Variants in ASZ1 observed in about 807,000 individuals in gnomAD.
ASZ1 encodes ankyrin repeat, SAM and basic leucine zipper domain-containing protein 1.
In ASZ1, 67 loss-of-function variants were observed where a neutral mutation model predicts 61.8. That is an observed-to-expected ratio of 1.08 (90% CI 0.89 to 1.33). ASZ1 has a LOEUF of 1.33. ASZ1 is among the 40% of genes most tolerant of loss of function. The pLI, the probability that ASZ1 is intolerant of heterozygous loss-of-function variation, is 0.00. For missense variants in ASZ1, 577 were observed against 554.5 expected (o/e 1.04, Z -0.41); for synonymous variants, 193 against 192.7 (o/e 1.00, Z -0.01).
At chr7:117,415,275 T>C (rs2116526079) in intron 4 of ASZ1, among the ~76,000 whole-genome samples, 1 of 152,320 alleles carries the variant, frequency 6.6e-6, no homozygotes, top group South Asian at 2.1e-4. Context: ...TTCATAACTT[T>C]TGAATTGCAC....
chr7:117,394,790 C>T (rs1308629038), intron 4 of ASZ1, among the ~76,000 whole-genome samples: 1 of 152,166 alleles, frequency 6.6e-6, no homozygotes, highest in Non-Finnish European at 1.5e-5. Flanking sequence ...CTACTCAGCT[C>T]TTCAGATGAG....
chr7:117,413,988 A>T (rs1796943677), intron 4 of ASZ1, among the ~76,000 whole-genome samples: 1 of 152,160 alleles, frequency 6.6e-6, no homozygotes. Context: ...TTAGAAGGTG[A>T]AGTGAGATTT....
chr7:117,409,693 A>C (rs1018061486), intron 4 of ASZ1, among the ~76,000 whole-genome samples: 35 of 152,022 alleles, frequency 2.3e-4, no homozygotes, highest in Admixed American at 6.6e-4. Context: ...TTTGAAAACA[A>C]ATATGTATAC....
At chr7:117,404,072 T>C (rs1294613196) in intron 4 of ASZ1, among the ~76,000 whole-genome samples, 1 of 152,104 alleles carries the variant, frequency 6.6e-6, no homozygotes, top group African/African-American at 2.4e-5. Flanking sequence ...GCCAAAAAGG[T>C]GAGGGACCAC....
In ASZ1 at chr7:117,420,208, A is replaced by G; in HGVS notation, c.395T>C (p.Val132Ala). 1 of 1,612,560 alleles carries G rather than the reference A, an allele frequency of 6.2e-7. No homozygotes were observed. The highest frequency in any genetic ancestry group is 1.1e-5 in the South Asian group (1 of 91,008). The change falls in exon 4 of 13, where the codon GTA (valine) becomes GCA (alanine). Residue 132 changes from valine (V) to alanine (A), a missense_variant. Physicochemically the swap from Val to Ala is moderately conservative, Grantham distance 64. Coordinates refer to ENST00000284629, the MANE Select transcript of ASZ1 (RefSeq NM_130768.3). ...HGSEEQILKC[V>A]ELLLSRNADP... is the part of the protein sequence containing the mutation. ...AGCATTTCTTGAAAGTAGTAGTTCT[A>G]CACACTTCAAGATCTGTTCCTCTGA...
chr7:117,372,272 TA>T (rs1796063697), intron 10 of ASZ1, among the ~76,000 whole-genome samples: 1 of 152,224 alleles, frequency 6.6e-6, no homozygotes, highest in Non-Finnish European at 1.5e-5. Flanking sequence ...GTCAGGGGAC[TA>T]TAATTCATGC....
intron 4 of ASZ1, among the ~76,000 whole-genome samples, chr7:117,391,830 G>A (rs1469187062): frequency 6.6e-6 from 1 of 151,890 alleles, no homozygotes; most frequent in Non-Finnish European, 1.5e-5. Context: ...GTCTCACTCT[G>A]TTGCCAGGCT....
chr7:117,370,090 G>T (rs933733621), intron 10 of ASZ1, among the ~76,000 whole-genome samples: 1 of 152,096 alleles, frequency 6.6e-6, no homozygotes, highest in Non-Finnish European at 1.5e-5. Flanking sequence ...GAAAATGGGG[G>T]TCTTGCAAGG....
At chr7:117,367,518 A>G (rs977131814) in intron 11 of ASZ1, 53 bp from the exon 12 acceptor site, 1 of 1,310,042 alleles carries the variant, frequency 7.6e-7, no homozygotes, top group Non-Finnish European at 9.9e-7. Context: ...ACTTTCTACA[A>G]CTTTATATCC....
chr7:117,376,937 G>T (rs1796148665), intron 10 of ASZ1, among the ~76,000 whole-genome samples: 1 of 151,796 alleles, frequency 6.6e-6, no homozygotes, highest in African/African-American at 2.4e-5. Context: ...CTTACCCACT[G>T]CCATGAGGGA....
intron 4 of ASZ1, among the ~76,000 whole-genome samples, chr7:117,398,213 T>C (rs923769624): frequency 6.6e-6 from 1 of 152,208 alleles, no homozygotes; most frequent in Non-Finnish European, 1.5e-5. Context: ...CGTACCTTTC[T>C]TACTTTGTGC....
chr7:117,407,409 TAA>T (rs768740791), intron 4 of ASZ1, among the ~76,000 whole-genome samples: 10 of 133,724 alleles, frequency 7.5e-5, no homozygotes, highest in Admixed American at 1.5e-4. Flanking sequence ...AACACGGAAG[TAA>T]AAAAAAAAAA....
chr7:117,422,167 A>T, intron 3 of ASZ1, 70 bp downstream of exon 3: 2 of 1,535,906 alleles, frequency 1.3e-6, no homozygotes, highest in Admixed American at 2.0e-5. Context: ...TTTGCACTTT[A>T]TATAATAGCT....
intron 4 of ASZ1, among the ~76,000 whole-genome samples, chr7:117,412,010 C>T (rs1329094111): frequency 6.7e-6 from 1 of 149,626 alleles, no homozygotes; most frequent in Non-Finnish European, 1.5e-5. Flanking sequence ...TATGTACTGA[C>T]AAGGAAAGAT....
intron 3 of ASZ1, among the ~76,000 whole-genome samples, chr7:117,420,519 A>C (rs1797081397): frequency 6.6e-6 from 1 of 152,182 alleles, no homozygotes; most frequent in South Asian, 2.1e-4. Context: ...CCATTACTTC[A>C]AGAGAACAGA....
intron 4 of ASZ1, among the ~76,000 whole-genome samples, chr7:117,387,267 C>T (rs1796376899): frequency 6.6e-6 from 1 of 151,874 alleles, no homozygotes; most frequent in East Asian, 1.9e-4. Flanking sequence ...GAGATTGTGC[C>T]ACTGCACTCC....
chr7:117,379,150 TATATATATATATATATATACAC>T (rs1183754667), intron 10 of ASZ1, among the ~76,000 whole-genome samples: 8 of 103,974 alleles, frequency 7.7e-5, no homozygotes, highest in African/African-American at 2.9e-4. Context: ...TATATATATA[TATATATATATATATATATACAC>T]ACACACACAC....
At chr7:117,385,655 T>C (rs772061186) in intron 5 of ASZ1, 43 bp downstream of exon 5, 20 of 1,459,524 alleles carry the variant, frequency 1.4e-5, no homozygotes, top group Non-Finnish European at 1.8e-5. Context: ...AGATTACTGA[T>C]AATAACAGAA....
chr7:117,422,118 T>A (rs1317836577), intron 3 of ASZ1, 119 bp downstream of exon 3: 11 of 1,076,724 alleles, frequency 1.0e-5, no homozygotes, highest in Non-Finnish European at 1.4e-5. Context: ...ATTTACATAG[T>A]ATAATGAATA....
Sources: gnomAD v4.1 joint callset for allele counts (sites outside exome capture counted in the v4.1 genomes callset) on GRCh38, gnomAD v4.1.1 for gene constraint, MANE v1.5 for transcripts, NCBI Gene and HGNC (gene_info 2026-07-23, HGNC 2026-07-21) for gene names.